FER: variants seen among roughly 807,000 people sequenced by gnomAD.
The protein encoded by FER is tyrosine-protein kinase Fer.
FER carries 63 observed loss-of-function variants against 111.0 expected under a neutral mutation model. The observed-to-expected ratio is 0.57, with a 90% CI of 0.46 to 0.70. The LOEUF is 0.70. Ranked by LOEUF, FER falls within the 30% of genes least tolerant of loss-of-function variation. The pLI is 0.00. For synonymous variants in FER, 327 were observed against 313.9 expected (o/e 1.04, Z -0.44); for missense variants, 914 against 954.0 (o/e 0.96, Z 0.55).
chr5:109,067,471 A>G (rs1347679966), intron 16 of FER, among the ~76,000 whole-genome samples: 1 of 152,030 alleles, frequency 6.6e-6, no homozygotes, highest in Non-Finnish European at 1.5e-5. Context: ...ATGGAGACAC[A>G]TGCATATACA....
chr5:109,155,589 C>G (rs895671671), intron 17 of FER, among the ~76,000 whole-genome samples: 1 of 151,796 alleles, frequency 6.6e-6, no homozygotes, highest in African/African-American at 2.4e-5. Flanking sequence ...ATAGTGATCT[C>G]AACACTCATG....
At chr5:109,140,978 C>A (rs1274288313) in intron 17 of FER, among the ~76,000 whole-genome samples, 1 of 152,142 alleles carries the variant, frequency 6.6e-6, no homozygotes, top group African/African-American at 2.4e-5. Context: ...AGCTCCTATT[C>A]TTCCATATCT....
At chr5:108,763,810 A>G (rs1301633063) in intron 1 of FER, among the ~76,000 whole-genome samples, 1 of 152,112 alleles carries the variant, frequency 6.6e-6, no homozygotes, top group Non-Finnish European at 1.5e-5. Context: ...AGCTATATCT[A>G]TTTACATCTG....
At chr5:108,834,174 TATG>T (rs1300179216) in intron 4 of FER, among the ~76,000 whole-genome samples, 1 of 152,204 alleles carries the variant, frequency 6.6e-6, no homozygotes, top group Non-Finnish European at 1.5e-5. Context: ...GTTAGCATCT[TATG>T]ATGTGATTTC....
intron 10 of FER, among the ~76,000 whole-genome samples, chr5:108,930,942 T>C (rs1754581484): frequency 6.6e-6 from 1 of 152,068 alleles, no homozygotes; most frequent in Non-Finnish European, 1.5e-5. Flanking sequence ...AATAATTTTG[T>C]TGCTCCCCTA....
intron 13 of FER, among the ~76,000 whole-genome samples, chr5:109,028,917 A>G (rs1203509166): frequency 7.3e-6 from 1 of 136,978 alleles, no homozygotes; most frequent in East Asian, 2.0e-4. Flanking sequence ...ATGACCAGCC[A>G]TGTGAGGACC....
At chr5:108,982,968 T>C (rs1762168217) in intron 13 of FER, among the ~76,000 whole-genome samples, 1 of 152,038 alleles carries the variant, frequency 6.6e-6, no homozygotes, top group Admixed American at 6.6e-5. Context: ...TGTTAACCGT[T>C]TCTGTTATTT....
At chr5:108,814,485 A>G (rs1487911168) in intron 3 of FER, among the ~76,000 whole-genome samples, 3 of 152,192 alleles carry the variant, frequency 2.0e-5, no homozygotes, top group Non-Finnish European at 4.4e-5. Flanking sequence ...AAAAAAGATC[A>G]TTGGGAGATG....
At chr5:108,788,665 A>G (rs1330825717) in intron 2 of FER, among the ~76,000 whole-genome samples, 1 of 149,150 alleles carries the variant, frequency 6.7e-6, no homozygotes, top group Non-Finnish European at 1.5e-5. Context: ...CATGGGTTTT[A>G]TCCTTGACTC....
chr5:109,144,566 A>T (rs1476936058), intron 17 of FER, among the ~76,000 whole-genome samples: 1 of 152,148 alleles, frequency 6.6e-6, no homozygotes, highest in East Asian at 1.9e-4. Flanking sequence ...TCCGATCTTT[A>T]AAAGTGAGAA....
intron 14 of FER, among the ~76,000 whole-genome samples, chr5:109,037,722 G>A (rs1296435102): frequency 6.6e-6 from 1 of 151,950 alleles, no homozygotes; most frequent in African/African-American, 2.4e-5. Context: ...TCCCCTGGAA[G>A]GACTAAAAAT....
intron 9 of FER, among the ~76,000 whole-genome samples, chr5:108,893,998 A>G (rs1303565756): frequency 2.0e-5 from 3 of 149,358 alleles, no homozygotes; most frequent in Non-Finnish European, 1.5e-5. Context: ...CCTGCATCAT[A>G]AATTTTATTC....
At chr5:108,755,229 C>T (rs1045046438) in intron 1 of FER, among the ~76,000 whole-genome samples, 1 of 152,154 alleles carries the variant, frequency 6.6e-6, no homozygotes, top group African/African-American at 2.4e-5. Context: ...AATAAAAGAG[C>T]ATTTCTGGCT....
Position 109,194,006 on chromosome 5 carries a change from CTT to C in FER, c.*6432_*6433del. 6.6e-6 allele frequency: 1 copy of C among 152,262 alleles called. No homozygotes were observed. The highest frequency in any genetic ancestry group is 1.5e-5 in the Non-Finnish European group (1 of 68,008). 9.4% of individuals were successfully genotyped at this position (152,262 alleles called of 1,614,324 possible). ...ATGACTAACACTATCAGTAGAAGCT[CTT>C]GAGAGATTTTCCTAACGCAGCAAGA... On this transcript the variant is annotated 3_prime_UTR_variant, in exon 20 of 20. Transcript: ENST00000281092.
At position 108,968,843 on chromosome 5, in the gene FER, TG is replaced by T. The variant is rs1308116022; in HGVS notation, c.1656+9498del. Among the ~76,000 whole-genome samples the T allele has an allele frequency of 4.6e-5, 7 of 152,144 alleles. No individual in the cohort carries two copies. The South Asian group carries it at 1.5e-3, about 32-fold the overall frequency. ...TCAATATACAGTGTGCTACTAGAAA[TG>T]GATAAGGACAACCAAATAAAAATAT... is the stretch of plus-strand genomic sequence containing the variant. On this transcript the variant is annotated intron_variant, in intron 13 of 19. Transcript: ENST00000281092.
intron 17 of FER, among the ~76,000 whole-genome samples, chr5:109,160,170 A>G (rs1755844393): frequency 6.6e-6 from 1 of 152,176 alleles, no homozygotes; most frequent in Admixed American, 6.6e-5. Flanking sequence ...TAAAATTAAA[A>G]ATTAGCCTAT....
chr5:109,126,769 T>C (rs998659275), intron 17 of FER, among the ~76,000 whole-genome samples: 2 of 152,172 alleles, frequency 1.3e-5, no homozygotes, highest in African/African-American at 2.4e-5. Context: ...AAAGCAGGTA[T>C]AGAAACAAAT....
intron 13 of FER, among the ~76,000 whole-genome samples, chr5:108,960,582 CCTT>C (rs1391794319): frequency 6.6e-6 from 1 of 151,902 alleles, no homozygotes; most frequent in African/African-American, 2.4e-5. Context: ...AATATTTCCT[CCTT>C]CATCTGTAAA....
intron 2 of FER, among the ~76,000 whole-genome samples, chr5:108,774,834 C>G (rs1753315150): frequency 6.6e-6 from 1 of 151,776 alleles, no homozygotes; most frequent in African/African-American, 2.4e-5. Flanking sequence ...TTCTCCCATT[C>G]TGTAGGTTGC....
Sources: gnomAD v4.1 joint callset for allele counts (sites outside exome capture counted in the v4.1 genomes callset) on GRCh38, gnomAD v4.1.1 for gene constraint, MANE v1.5 for transcripts, NCBI Gene and HGNC (gene_info 2026-07-23, HGNC 2026-07-21) for gene names.